MAP3K20: variants seen among roughly 807,000 people sequenced by gnomAD.
The protein encoded by MAP3K20 is HCCS-4.
A neutral mutation model predicts 85.7 loss-of-function variants in MAP3K20; 40 were observed. The observed-to-expected ratio is 0.47, with a 90% CI of 0.36 to 0.61. The LOEUF (loss-of-function observed/expected upper bound fraction) is 0.61, where lower values mean the gene tolerates loss of function less well. Among genes scored for constraint, MAP3K20 ranks in the 20% least tolerant of loss-of-function variants. The probability of loss-of-function intolerance (pLI) is 0.00; values close to 1 mark genes in which losing one functional copy is unlikely to be tolerated. For missense variants in MAP3K20, 817 were observed against 961.7 expected (o/e 0.85, Z 1.99); for synonymous variants, 325 against 327.7 (o/e 0.99, Z 0.09).
chr2:173,111,896 G>T (rs1232007777), intron 2 of MAP3K20, among the ~76,000 whole-genome samples: 1 of 151,712 alleles, frequency 6.6e-6, no homozygotes, highest in East Asian at 1.9e-4. Context: ...AGCTATGCAT[G>T]CTCTTTTTTG....
intron 11 of MAP3K20, chr2:173,221,321 T>G: frequency 6.2e-7 from 1 of 1,613,878 alleles, no homozygotes; most frequent in South Asian, 1.1e-5. Context: ...TGGGGATATC[T>G]TCTCAATGAA....
intron 2 of MAP3K20, among the ~76,000 whole-genome samples, chr2:173,163,651 A>G (rs1689729649): frequency 6.6e-6 from 1 of 152,068 alleles, no homozygotes; most frequent in Non-Finnish European, 1.5e-5. Context: ...TATCCAGTCT[A>G]CCTTTGATGG....
chr2:173,212,549 A>G (rs1360096517), intron 10 of MAP3K20: 1 of 152,390 alleles, frequency 6.6e-6, no homozygotes, highest in African/African-American at 2.4e-5. Context: ...CTGTAATCCC[A>G]ACACTTTGGG....
rs1684734820 is a variant in MAP3K20, at chr2:173,239,616, T to C, written c.1359+120T>C. The C allele has an allele frequency of 2.5e-5, 21 of 835,096 alleles. No individual in the cohort carries two copies. The South Asian group carries it at 3.1e-4, about 12-fold the overall frequency. 51.7% of individuals were successfully genotyped at this position (835,096 alleles called of 1,614,324 possible). On this transcript the variant is annotated intron_variant, in intron 16 of 19. Coordinates refer to ENST00000375213, the MANE Select transcript of MAP3K20 (RefSeq NM_016653.3). ...GGTAACTGGATTTTGAGTAAATTTA[T>C]AGACTTTATAAAATAGAATTTAGCT...
intron 2 of MAP3K20, among the ~76,000 whole-genome samples, chr2:173,092,117 C>G (rs1177434904): frequency 1.3e-5 from 2 of 152,104 alleles, no homozygotes; most frequent in Non-Finnish European, 2.9e-5. Flanking sequence ...AGAAGGAAAC[C>G]CAAATGGTAG....
chr2:173,219,887 T>G (rs1400145886), intron 11 of MAP3K20, among the ~76,000 whole-genome samples: 1 of 151,862 alleles, frequency 6.6e-6, no homozygotes, highest in Non-Finnish European at 1.5e-5. Flanking sequence ...GACAGCATAG[T>G]GAAACCCCAT....
chr2:173,222,005 T>C (rs1173923038), intron 11 of MAP3K20: 1 of 985,106 alleles, frequency 1.0e-6, no homozygotes. Flanking sequence ...TCAGAAATGG[T>C]TGGCCTGAGC....
intron 2 of MAP3K20, among the ~76,000 whole-genome samples, chr2:173,169,341 G>A (rs567195410): frequency 2.6e-5 from 4 of 152,234 alleles, no homozygotes; most frequent in South Asian, 2.1e-4. Context: ...GAAAGCTTCA[G>A]TAGAAATGTT....
intron 16 of MAP3K20, among the ~76,000 whole-genome samples, chr2:173,243,061 G>A (rs1684828765): frequency 6.6e-6 from 1 of 152,120 alleles, no homozygotes; most frequent in Non-Finnish European, 1.5e-5. Flanking sequence ...CCTACTTTGT[G>A]CCTGGCTCTA....
intron 14 of MAP3K20, among the ~76,000 whole-genome samples, chr2:173,236,648 G>C (rs955061095): frequency 1.3e-5 from 2 of 152,188 alleles, no homozygotes; most frequent in East Asian, 1.9e-4. Flanking sequence ...TGGCTACCCA[G>C]TGGGGGCTCA....
chr2:173,247,002 G>A (rs1352124395), intron 16 of MAP3K20, among the ~76,000 whole-genome samples: 2 of 152,172 alleles, frequency 1.3e-5, no homozygotes, highest in Non-Finnish European at 2.9e-5. Context: ...CTTTGGAAGA[G>A]GTAGAAGCAG....
rs61431056 is a variant in MAP3K20 at position 173,085,784 on chromosome 2, ATTTTTTTTT to A, written c.-34-5193_-34-5185del. ...AAATTGCCTTTTTTGTGTAAAAGCAATTTTTTTTTTTTTTTTTTTTTTTTTTTTTGAGAT... is the reference window on the plus strand; with the variant it reads ...AAATTGCCTTTTTTGTGTAAAAGCAATTTTTTTTTTTTTTTTTTTTGAGAT... On this transcript the variant is annotated intron_variant, in intron 1 of 19. Transcript: ENST00000375213. Among the ~76,000 whole-genome samples the A allele has an allele frequency of 7.7e-3, 569 of 73,760 alleles. 5 individuals carry two copies. Among genetic ancestry groups the A allele is most frequent in the African/African-American group, 0.028 (525 of 18,472 alleles). The allele number at this position is 73,760 out of a possible 152,430, so 48.4% of individuals were successfully genotyped here. A position where few individuals can be genotyped will look rare whatever the true frequency, so the allele number is the denominator to read the frequency against.
At chr2:173,208,166 G>A (rs1309568715) in intron 9 of MAP3K20, among the ~76,000 whole-genome samples, 1 of 152,172 alleles carries the variant, frequency 6.6e-6, no homozygotes, top group African/African-American at 2.4e-5. Context: ...TTAGGAGGCT[G>A]AGGCAGGAAG....
At chr2:173,110,282 C>A (rs1405099119) in intron 2 of MAP3K20, among the ~76,000 whole-genome samples, 1 of 58,764 alleles carries the variant, frequency 1.7e-5, no homozygotes, top group Non-Finnish European at 3.1e-5. Flanking sequence ...GAGACAGGAT[C>A]TTGCTTTGTC....
At chr2:173,177,410 A>G (rs753083435) in intron 3 of MAP3K20, among the ~76,000 whole-genome samples, 13 of 151,540 alleles carry the variant, frequency 8.6e-5, no homozygotes, top group Non-Finnish European at 1.5e-4. Context: ...ACACAGCTAA[A>G]TACCTACTGG....
chr2:173,258,614 A>G, intron 16 of MAP3K20, 85 bp from the exon 17 acceptor site: 1 of 713,354 alleles, frequency 1.4e-6, no homozygotes, highest in East Asian at 2.7e-5. Context: ...CTTCATTTAG[A>G]ATATTTTATG....
At chr2:173,218,475 G>A (rs1446321937) in intron 11 of MAP3K20, among the ~76,000 whole-genome samples, 1 of 152,226 alleles carries the variant, frequency 6.6e-6, no homozygotes, top group Non-Finnish European at 1.5e-5. Context: ...CTTGGCTTGT[G>A]AGAAAGACGA....
At chr2:173,162,839 T>C (rs1689703982) in intron 2 of MAP3K20, among the ~76,000 whole-genome samples, 1 of 152,100 alleles carries the variant, frequency 6.6e-6, no homozygotes. Context: ...CCACATCACA[T>C]GCAGAAGCAT....
chr2:173,085,784 ATTTTTTTTTT>A (rs61431056), intron 1 of MAP3K20, among the ~76,000 whole-genome samples: 12 of 73,758 alleles, frequency 1.6e-4, no homozygotes, highest in South Asian at 5.9e-4. Flanking sequence ...TGTAAAAGCA[ATTTTTTTTTT>A]TTTTTTTTTT....
Sources: allele counts gnomAD v4.1 joint callset (sites outside exome capture counted in the v4.1 genomes callset), GRCh38; gene constraint gnomAD v4.1.1; transcripts MANE v1.5; gene names NCBI Gene and HGNC (gene_info 2026-07-23, HGNC 2026-07-21).